The following ADAM12 variants were observed in gnomAD, a reference collection of about 807,000 sequenced individuals.
ADAM12 encodes ADAM metallopeptidase domain 12.
A neutral mutation model predicts 106.4 loss-of-function variants in ADAM12; 70 were observed. The ratio of observed to expected loss-of-function variants is 0.66; its 90% CI spans 0.54 to 0.80. The LOEUF is 0.80. Among genes scored for constraint, ADAM12 ranks in the 30% least tolerant of loss-of-function variants. The pLI, the probability that ADAM12 is intolerant of heterozygous loss-of-function variation, is 0.00. For missense variants in ADAM12, 1,010 were observed against 1,171.9 expected (o/e 0.86, Z 2.02); for synonymous variants, 420 against 433.5 (o/e 0.97, Z 0.39).
At chr10:126,199,671 C>T (rs1957661753) in intron 3 of ADAM12, among the ~76,000 whole-genome samples, 1 of 152,062 alleles carries the variant, frequency 6.6e-6, no homozygotes, top group African/African-American at 2.4e-5. Flanking sequence ...AGTTATTTTA[C>T]TAAATCAGAG....
At chr10:126,033,218 A>G (rs190647353) in intron 21 of ADAM12, among the ~76,000 whole-genome samples, 2 of 152,298 alleles carry the variant, frequency 1.3e-5, no homozygotes, top group African/African-American at 4.8e-5. Flanking sequence ...CACAATGGGA[A>G]GTTTTATACC....
chr10:126,352,272 T>C (rs1280855617), intron 1 of ADAM12, among the ~76,000 whole-genome samples: 4 of 152,218 alleles, frequency 2.6e-5, no homozygotes, highest in African/African-American at 7.2e-5. Context: ...ACAGACACTA[T>C]TGTCTGGCTG....
chr10:126,034,779 T>C (rs1230443124), intron 21 of ADAM12, among the ~76,000 whole-genome samples: 1 of 152,154 alleles, frequency 6.6e-6, no homozygotes, highest in East Asian at 1.9e-4. Context: ...ATGAATGATG[T>C]TTCCTATTGT....
intron 4 of ADAM12, among the ~76,000 whole-genome samples, chr10:126,148,783 T>C (rs1428218000): frequency 6.6e-6 from 1 of 152,092 alleles, no homozygotes; most frequent in Non-Finnish European, 1.5e-5. Flanking sequence ...AGGATACTAG[T>C]TTAGGCCTAG....
intron 1 of ADAM12, among the ~76,000 whole-genome samples, chr10:126,346,217 TTG>T (rs1855133678): frequency 1.3e-5 from 2 of 152,258 alleles, no homozygotes; most frequent in Admixed American, 6.5e-5. Flanking sequence ...TTCTGGTATG[TTG>T]TGTCTTTGTT....
At chr10:126,019,280 G>A (rs560574541) in intron 22 of ADAM12, among the ~76,000 whole-genome samples, 5 of 152,152 alleles carry the variant, frequency 3.3e-5, no homozygotes, top group African/African-American at 9.7e-5. Context: ...TGAGCCAATT[G>A]AACCTCTTTT....
At position 126,019,830 on chromosome 10, in the gene ADAM12, A is replaced by T; in HGVS notation, c.2530-5T>A. On this transcript the variant is annotated splice_region_variant and splice_polypyrimidine_tract_variant and intron_variant, in intron 21 of 22. Transcript: ENST00000448723. ...GGGGTTTGGCTTACAGGTCCCCTGC[A>T]ATAAACATAGGGTTAGGCAGGGTCA... 1.2e-6 allele frequency: 2 copies of T among 1,612,322 alleles called. No individual in the cohort carries two copies.
At chr10:126,088,713 A>C (rs1007391305) in intron 11 of ADAM12, among the ~76,000 whole-genome samples, 1 of 72,738 alleles carries the variant, frequency 1.4e-5, no homozygotes, top group Non-Finnish European at 2.5e-5. Context: ...CTACATCTCA[A>C]AAAACAAAAA....
intron 3 of ADAM12, among the ~76,000 whole-genome samples, chr10:126,205,413 C>T (rs1957777445): frequency 6.6e-6 from 1 of 151,720 alleles, no homozygotes; most frequent in South Asian, 2.1e-4. Flanking sequence ...CACTGGAATA[C>T]ACTTTATATA....
intron 3 of ADAM12, among the ~76,000 whole-genome samples, chr10:126,254,573 C>T (rs1233442125): frequency 5.3e-5 from 8 of 152,180 alleles, no homozygotes; most frequent in Non-Finnish European, 8.8e-5. Flanking sequence ...TGTTACTCAG[C>T]GTCAATTCCA....
intron 4 of ADAM12, among the ~76,000 whole-genome samples, chr10:126,137,422 CATATATA>C (rs1488147937): frequency 6.6e-6 from 1 of 152,184 alleles, no homozygotes; most frequent in Admixed American, 6.5e-5. Flanking sequence ...CTTTTAAAAG[CATATATA>C]ATCAGTGGGT....
Position 126,357,497 on chromosome 10 carries a change from C to T in ADAM12, c.89-26988G>A, listed in dbSNP as rs1855583540. ...CCTGATGGCTTTTCTAATACAGAAC[C>T]TGATGGCTTCTGTATTAGTCCATTC... On this transcript the variant is annotated intron_variant, in intron 1 of 22. Transcript: ENST00000448723. 2.6e-5 allele frequency among the ~76,000 whole-genome samples: 4 copies of T among 152,136 alleles called. No homozygotes were observed. In the South Asian group the frequency reaches 8.3e-4, roughly 31 times the overall value.
intron 18 of ADAM12, 48 bp from the exon 19 acceptor site, chr10:126,039,477 A>C (rs375204547): frequency 5.0e-5 from 80 of 1,610,502 alleles, no homozygotes; most frequent in Non-Finnish European, 4.2e-6. Context: ...TTACAATGAA[A>C]TATGGGAGGT....
intron 3 of ADAM12, among the ~76,000 whole-genome samples, chr10:126,177,383 T>C (rs573991048): frequency 1.3e-5 from 2 of 152,316 alleles, no homozygotes; most frequent in Admixed American, 1.3e-4. Context: ...TAATATTTAA[T>C]AAGCACTCTC....
intron 3 of ADAM12, among the ~76,000 whole-genome samples, chr10:126,244,388 G>T (rs1207770597): frequency 1.3e-5 from 2 of 152,212 alleles, no homozygotes; most frequent in African/African-American, 4.8e-5. Context: ...GGTACAGATG[G>T]TGAGAAAGGG....
intron 6 of ADAM12, among the ~76,000 whole-genome samples, chr10:126,111,859 G>A (rs970666459): frequency 2.0e-5 from 3 of 152,082 alleles, no homozygotes; most frequent in Admixed American, 6.5e-5. Flanking sequence ...CACAGAGAGA[G>A]GTTTACATTA....
intron 3 of ADAM12, among the ~76,000 whole-genome samples, chr10:126,236,579 TGAGCACTCACAGGAAG>T (rs1294851378): frequency 1.3e-4 from 20 of 152,002 alleles, no homozygotes; most frequent in Middle Eastern, 3.4e-3. Context: ...GGGAGCTGAA[TGAGCACTCACAGGAAG>T]GAGCACTCAC....
rs1565045828 is a variant in ADAM12 at position 126,086,697 on chromosome 10, AT to A, written c.1145+7287del. Among the ~76,000 whole-genome samples, 77 of 95,150 alleles carry A rather than the reference AT, an allele frequency of 8.1e-4. 5 individuals carry two copies. The highest frequency in any genetic ancestry group is 3.3e-3 in the African/African-American group (75 of 22,442). The allele number at this position is 95,150 out of a possible 152,430, so 62.4% of individuals were successfully genotyped here. On this transcript the variant is annotated intron_variant, in intron 11 of 22. Transcript: ENST00000448723. ...AAAAAAAAAATATATATATATATAT[AT>A]ATATATATAAAATAAAATAGGTATA...
chr10:126,046,085 G>T lies in ADAM12; in HGVS notation c.1965C>A (p.His655Gln). The change falls in exon 17 of 23, where the codon CAC becomes CAA. Residue 655 changes from histidine (H) to glutamine (Q), a missense_variant. Physicochemically the swap from His to Gln is conservative, Grantham distance 24. Around this residue, in one of 3 missense-constraint regions of ADAM12, gnomAD observed 615 missense variants for 708.5 expected, o/e 0.87. Transcript: ENST00000448723. ...TGCCGTGGCACTGCATTGCACACTC[G>T]TGAACCCCAAAGACACTAATATTTT... The part of the protein sequence containing the change: ...QCQNISVFGV[H>Q]ECAMQCHGRG... 1 of 1,614,126 alleles carries T rather than the reference G, an allele frequency of 6.2e-7. No homozygotes were observed. The highest frequency in any genetic ancestry group is 8.5e-7 in the Non-Finnish European group (1 of 1,180,006).
Sources: allele counts gnomAD v4.1 joint callset (sites outside exome capture counted in the v4.1 genomes callset), GRCh38; gene constraint gnomAD v4.1.1; regional missense constraint gnomAD v4.1.1; transcripts MANE v1.5; gene names NCBI Gene and HGNC (gene_info 2026-07-23, HGNC 2026-07-21).